ATAD2B: variants seen among roughly 807,000 people sequenced by gnomAD.
ATAD2B encodes ATPase family AAA domain-containing protein 2B.
Under a neutral mutation model 167.6 loss-of-function variants are expected in ATAD2B, and 40 were observed. The ratio of observed to expected loss-of-function variants is 0.24; its 90% confidence interval spans 0.19 to 0.31. The LOEUF is 0.31. ATAD2B is among the 10% of genes least tolerant of loss of function. ATAD2B has a pLI of 1.00. For missense variants in ATAD2B, 1,242 were observed against 1,757.2 expected, an observed-to-expected ratio of 0.71 and a Z score of 5.24; for synonymous variants, 579 against 596.5, an observed-to-expected ratio of 0.97 and a Z score of 0.43.
At chr2:23,840,893 T>C (rs1010458940) in intron 13 of ATAD2B, among the ~76,000 whole-genome samples, 1 of 152,156 alleles carries the variant, frequency 6.6e-6, no homozygotes, top group African/African-American at 2.4e-5. Context: ...CTATGGTTAT[T>C]AGGGAATTGC....
chr2:23,794,971 G>T (rs1191265437), intron 19 of ATAD2B, among the ~76,000 whole-genome samples: 5 of 152,140 alleles, frequency 3.3e-5, no homozygotes, highest in African/African-American at 9.6e-5. Flanking sequence ...TGTCAAAGAA[G>T]TTCTAAAAGA....
At chr2:23,775,914 G>A (rs1054807023) in intron 22 of ATAD2B, among the ~76,000 whole-genome samples, 13 of 152,038 alleles carry the variant, frequency 8.6e-5, no homozygotes, top group East Asian at 5.8e-4. Flanking sequence ...TCAAGAGATC[G>A]AGACCATCCT....
At chr2:23,714,871 AAT>A in the ATAD2B span, among the ~76,000 whole-genome samples, 1 of 152,018 alleles carries the variant, frequency 6.6e-6, no homozygotes, top group Admixed American at 6.5e-5. Context: ...AAAAAAGAAA[AAT>A]ATATGTATTT....
intron 21 of ATAD2B, among the ~76,000 whole-genome samples, chr2:23,784,072 T>C (rs1292649837): frequency 1.3e-5 from 2 of 152,070 alleles, no homozygotes; most frequent in Non-Finnish European, 2.9e-5. Flanking sequence ...ATAAGGGAGG[T>C]AGCAGAGTTA....
chr2:23,695,807 C>T, the ATAD2B span: 7 of 1,549,404 alleles, frequency 4.5e-6, no homozygotes, highest in Non-Finnish European at 6.1e-6. This position sits in a 1 kb window ranked among gnomAD's most constrained non-coding sequence, Gnocchi z 7.6. Flanking sequence ...CGAACCCGGC[C>T]GCGCCTCTCT....
chr2:23,877,573 G>A (rs1359176576), intron 7 of ATAD2B, among the ~76,000 whole-genome samples: 1 of 106,462 alleles, frequency 9.4e-6, no homozygotes, highest in Non-Finnish European at 1.9e-5. Context: ...GAGGGGAGGG[G>A]AGGGAAGGAA....
chr2:23,888,896 C>A (rs1441002510), intron 2 of ATAD2B, among the ~76,000 whole-genome samples: 1 of 152,104 alleles, frequency 6.6e-6, no homozygotes, highest in Non-Finnish European at 1.5e-5. Flanking sequence ...ATCGAAAGAG[C>A]CATTTTACAA....
rs772935681 is a variant in ATAD2B at position 23,757,613 on chromosome 2, A to G, written c.3883T>C (p.Phe1295Leu). The G allele has an allele frequency of 1.3e-5, 21 of 1,613,702 alleles. No individual in the cohort carries two copies. In the African/African-American group the frequency reaches 2.8e-4, roughly 22 times the overall value. The change falls in exon 25 of 28, where the codon TTC (phenylalanine) becomes CTC (leucine). Residue 1295 changes from phenylalanine to leucine, a missense_variant. By Grantham distance (22) the Phe-to-Leu change is conservative. Coordinates refer to ENST00000238789, the MANE Select transcript of ATAD2B (RefSeq NM_017552.4). ...CQNGKLEVVS[F>L]CDSGDKCSSE... is the part of the protein sequence containing the mutation. ...CTACATTTATCTCCACTATCACAGAAAGAAACTACTTCAAGCTTGCCATTC... is the reference window on the plus strand; with the variant it reads ...CTACATTTATCTCCACTATCACAGAGAGAAACTACTTCAAGCTTGCCATTC...
chr2:23,905,888 C>A (rs970474063), intron 1 of ATAD2B, among the ~76,000 whole-genome samples: 1 of 152,118 alleles, frequency 6.6e-6, no homozygotes, highest in African/African-American at 2.4e-5. Context: ...AATTTAACTC[C>A]TTAAATTAGC....
At chr2:23,754,903 A>G in intron 25 of ATAD2B, 129 bp from the exon 26 acceptor site, 1 of 955,958 alleles carries the variant, frequency 1.0e-6, no homozygotes, top group Non-Finnish European at 1.5e-6. Flanking sequence ...TTCTTAAGTG[A>G]TTTTTTTTAA....
chr2:23,921,253 G>A, intron 1 of ATAD2B, among the ~76,000 whole-genome samples: 1 of 130,534 alleles, frequency 7.7e-6, no homozygotes. Context: ...ATCCACTCAA[G>A]TTGATTATGC....
chr2:23,906,183 A>C (rs1254668055), intron 1 of ATAD2B, among the ~76,000 whole-genome samples: 3 of 150,772 alleles, frequency 2.0e-5, no homozygotes, highest in Non-Finnish European at 4.4e-5. Context: ...CTAAAAATAC[A>C]AAAAAAAATT....
intron 22 of ATAD2B, among the ~76,000 whole-genome samples, chr2:23,781,369 TA>T (rs1330586951): frequency 7.0e-6 from 1 of 143,010 alleles, no homozygotes; most frequent in African/African-American, 2.9e-5. Context: ...AATAAATAAA[TA>T]AATAAATAAT....
intron 14 of ATAD2B, among the ~76,000 whole-genome samples, chr2:23,833,367 T>C (rs1056818054): frequency 8.7e-6 from 1 of 114,868 alleles, no homozygotes; most frequent in Non-Finnish European, 1.8e-5. Context: ...AAGAATAATA[T>C]TAAAAGTTTG....
intron 13 of ATAD2B, among the ~76,000 whole-genome samples, chr2:23,847,230 G>A (rs1691795059): frequency 6.7e-6 from 1 of 148,682 alleles, no homozygotes; most frequent in Admixed American, 6.8e-5. Flanking sequence ...AAGTGGCTGG[G>A]CGCTTTGGCT....
chr2:23,760,978 C>G (rs975407965), intron 24 of ATAD2B, among the ~76,000 whole-genome samples: 3 of 152,092 alleles, frequency 2.0e-5, no homozygotes, highest in Admixed American at 2.0e-4. Context: ...TAAGAGAAAA[C>G]AAAACTCATA....
chr2:23,913,986 G>C (rs1702666588), intron 1 of ATAD2B, among the ~76,000 whole-genome samples: 1 of 151,936 alleles, frequency 6.6e-6, no homozygotes, highest in Admixed American at 6.6e-5. Flanking sequence ...ACACCAGTAT[G>C]GACCAGGCAT....
chr2:23,858,365 C>T (rs1216864014), intron 12 of ATAD2B, among the ~76,000 whole-genome samples: 2 of 152,046 alleles, frequency 1.3e-5, no homozygotes. Flanking sequence ...AGGTAATCCA[C>T]CCACCTCGGC....
chr2:23,909,916 G>A (rs957605532), intron 1 of ATAD2B, among the ~76,000 whole-genome samples: 8 of 151,654 alleles, frequency 5.3e-5, no homozygotes, highest in African/African-American at 1.9e-4. Flanking sequence ...AGGCTGGAGT[G>A]CAGTGGTATG....
Sources: gnomAD v4.1 joint callset for allele counts (sites outside exome capture counted in the v4.1 genomes callset) on GRCh38, gnomAD v4.1.1 for gene constraint, Gnocchi (gnomAD v3.1) non-coding constraint, MANE v1.5 for transcripts, NCBI Gene and HGNC (gene_info 2026-07-23, HGNC 2026-07-21) for gene names.